The following SVEP1 variants were observed in gnomAD, a reference collection of about 807,000 sequenced individuals.
The protein encoded by SVEP1 is sushi, von Willebrand factor type A, EGF and pentraxin domain-containing protein 1.
A neutral mutation model predicts 367.3 loss-of-function variants in SVEP1; 164 were observed. The ratio of observed to expected loss-of-function variants is 0.45; its 90% CI spans 0.39 to 0.51. SVEP1 has a LOEUF of 0.51. Among genes scored for constraint, SVEP1 ranks in the 20% least tolerant of loss-of-function variants. SVEP1 has a pLI of 0.00. For synonymous variants in SVEP1, 1,666 were observed against 1,611.6 expected (o/e 1.03, Z -0.81); for missense variants, 4,117 against 4,425.3 (o/e 0.93, Z 1.98).
intron 47 of SVEP1, among the ~76,000 whole-genome samples, chr9:110,368,023 A>C (rs543121052): frequency 6.6e-6 from 1 of 152,312 alleles, no homozygotes; most frequent in South Asian, 2.1e-4. Flanking sequence ...GGTTGCAGTA[A>C]GCCGAGATTG....
At chr9:110,473,549 T>G (rs1178688901) in intron 14 of SVEP1, among the ~76,000 whole-genome samples, 2 of 152,188 alleles carry the variant, frequency 1.3e-5, no homozygotes, top group African/African-American at 4.8e-5. Flanking sequence ...TTTTTCAAAT[T>G]TTATGGCATT....
At chr9:110,517,866 C>G (rs539890989) in intron 3 of SVEP1, among the ~76,000 whole-genome samples, 1 of 149,722 alleles carries the variant, frequency 6.7e-6, no homozygotes, top group Admixed American at 6.7e-5. Context: ...GATTAGAAAA[C>G]CTGTGGAACA....
At chr9:110,402,721 TGTCA>T (rs910023764) in intron 39 of SVEP1, among the ~76,000 whole-genome samples, 1 of 152,238 alleles carries the variant, frequency 6.6e-6, no homozygotes, top group Admixed American at 6.5e-5. Context: ...GGCAGAACTC[TGTCA>T]GACAGCTCAG....
intron 5 of SVEP1, among the ~76,000 whole-genome samples, chr9:110,511,670 G>A (rs182272691): frequency 1.3e-5 from 2 of 151,410 alleles, no homozygotes; most frequent in South Asian, 2.1e-4. Context: ...TCTGCTGATC[G>A]TTTTCAGTTT....
At chr9:110,555,394 A>C (rs906760406) in intron 1 of SVEP1, among the ~76,000 whole-genome samples, 1 of 152,178 alleles carries the variant, frequency 6.6e-6, no homozygotes, top group Non-Finnish European at 1.5e-5. Flanking sequence ...TTGAGTGAGT[A>C]GTTAGTGTGT....
intron 19 of SVEP1, 29 bp from the exon 20 acceptor site, chr9:110,458,591 T>G (rs1471617007): frequency 1.3e-6 from 2 of 1,582,588 alleles, no homozygotes; most frequent in South Asian, 2.3e-5. Context: ...AACATGTCAG[T>G]GTGGCAAATA....
In SVEP1 at chr9:110,408,170, G is replaced by T; in HGVS notation, c.7430C>A (p.Thr2477Asn). ...GTGACCATTTTCTCCACAAAGGGTG[G>T]TAGTATTTCCCACCAATTCAAAGCC... ...KPGFELVGNTTTLCGENGHWL... is the reference protein window; with the variant it reads ...KPGFELVGNTNTLCGENGHWL... Residue 2477 changes from threonine (T) to asparagine (N), a missense_variant, in exon 38 of 48, where the codon ACC (threonine) becomes AAC (asparagine). By Grantham distance (65) the Thr-to-Asn change is moderately conservative (BLOSUM62 0). Transcript: ENST00000374469. 6.2e-7 allele frequency: 1 copy of T among 1,613,962 alleles called. No individual in the cohort carries two copies.
intron 39 of SVEP1, among the ~76,000 whole-genome samples, chr9:110,403,299 T>TTTTTTTTTTTTG (rs1827894836): frequency 4.1e-5 from 5 of 120,768 alleles, no homozygotes; most frequent in African/African-American, 7.0e-5. Flanking sequence ...CACCGCCGTT[T>TTTTTTTTTTTTG]TTTTTTTTTT....
chr9:110,447,656 C>G (rs1361363937), intron 24 of SVEP1, among the ~76,000 whole-genome samples: 1 of 152,002 alleles, frequency 6.6e-6, no homozygotes, highest in Non-Finnish European at 1.5e-5. Flanking sequence ...ATAGGAAGTC[C>G]CATATAGTGA....
At chr9:110,549,291 T>A (rs1167700718) in intron 2 of SVEP1, among the ~76,000 whole-genome samples, 1 of 152,136 alleles carries the variant, frequency 6.6e-6, no homozygotes, top group Non-Finnish European at 1.5e-5. Flanking sequence ...AAATTATAAG[T>A]GATGCACAGA....
At chr9:110,446,606 C>A (rs763460202) in intron 25 of SVEP1, among the ~76,000 whole-genome samples, 9 of 152,166 alleles carry the variant, frequency 5.9e-5, no homozygotes, top group Non-Finnish European at 1.3e-4. Flanking sequence ...TGAAGTCAAG[C>A]GGCTTATCAA....
intron 12 of SVEP1, among the ~76,000 whole-genome samples, chr9:110,480,327 G>A (rs1829165318): frequency 6.6e-6 from 1 of 151,938 alleles, no homozygotes; most frequent in Non-Finnish European, 1.5e-5. Context: ...AGAGGTGAAT[G>A]GTATTGTTTC....
intron 15 of SVEP1, 84 bp from the exon 16 acceptor site, chr9:110,471,681 A>T (rs1357169095): frequency 1.0e-6 from 1 of 966,694 alleles, no homozygotes; most frequent in African/African-American, 1.7e-5. Flanking sequence ...CCAAACAGAA[A>T]TACTTAAAAT....
At chr9:110,481,019 G>A (rs1829178788) in intron 12 of SVEP1, among the ~76,000 whole-genome samples, 1 of 152,128 alleles carries the variant, frequency 6.6e-6, no homozygotes, top group African/African-American at 2.4e-5. Flanking sequence ...AGATGGTTCT[G>A]CCTTAAACTG....
In SVEP1 at chr9:110,546,646, C is replaced by T. The variant is rs1042959182; in HGVS notation, c.788-355G>A. Among the ~76,000 whole-genome samples the T allele has an allele frequency of 2.0e-5, 3 of 152,192 alleles. No individual in the cohort carries two copies. In the East Asian group the frequency reaches 5.8e-4, roughly 29 times the overall value. On this transcript the variant is annotated intron_variant, in intron 2 of 47. Transcript: ENST00000374469. ...TGGCTTCCAAAGCAGCAGCATTCCA[C>T]TGCCTCTGGGTGAGGTCAGGCCCCA...
chr9:110,509,917 C>T (rs1473369971), intron 5 of SVEP1, among the ~76,000 whole-genome samples: 2 of 152,142 alleles, frequency 1.3e-5, no homozygotes, highest in Non-Finnish European at 2.9e-5. Flanking sequence ...TGTATTGTGA[C>T]AAGTTAGTTA....
intron 3 of SVEP1, among the ~76,000 whole-genome samples, chr9:110,525,204 A>T (rs1008344704): frequency 1.9e-4 from 29 of 152,202 alleles, no homozygotes; most frequent in Non-Finnish European, 5.9e-5. Flanking sequence ...AGAAATTTCA[A>T]GTACTCTACC....
chr9:110,557,233 T>A (rs1325624559), intron 1 of SVEP1, among the ~76,000 whole-genome samples: 1 of 152,232 alleles, frequency 6.6e-6, no homozygotes. Flanking sequence ...GCTTTTCTTC[T>A]ACACCACTGT....
chr9:110,503,193 T>C lies in SVEP1; in HGVS notation c.1328A>G (p.Gln443Arg). ...CRVRTCPHLR[Q>R]PKHGHISCST... The stretch of plus-strand genomic sequence containing the variant: ...ACAGCTGATGTGGCCATGTTTCGGC[T>C]GGCGGAGATGAGGACATGTTCTTAC... Residue 443 changes from glutamine to arginine, a missense_variant, in exon 6 of 48, where the codon CAG (glutamine) becomes CGG (arginine). Around this residue, in one of 4 missense-constraint regions of SVEP1, gnomAD observed 2,174 missense variants for 2,494.3 expected, o/e 0.87. Transcript: ENST00000374469. The C allele has an allele frequency of 1.9e-6, 3 of 1,613,454 alleles. No homozygotes were observed. Among genetic ancestry groups the C allele is most frequent in the Non-Finnish European group, 2.5e-6 (3 of 1,179,730 alleles).
Sources: allele counts gnomAD v4.1 joint callset (sites outside exome capture counted in the v4.1 genomes callset), GRCh38; gene constraint gnomAD v4.1.1; regional missense constraint gnomAD v4.1.1; transcripts MANE v1.5; gene names NCBI Gene and HGNC (gene_info 2026-07-23, HGNC 2026-07-21).